The following ETFA variants were observed in gnomAD, a reference collection of about 807,000 sequenced individuals.
ETFA encodes electron transfer flavoprotein subunit alpha, mitochondrial.
In ETFA, 22 loss-of-function variants were observed where a neutral mutation model predicts 46.2. The ratio of observed to expected loss-of-function variants is 0.48; its 90% confidence interval spans 0.34 to 0.68. The LOEUF is 0.68. Ranked by LOEUF, ETFA falls within the 30% of genes least tolerant of loss-of-function variation. The pLI is 0.01. For synonymous variants in ETFA, 131 were observed against 139.9 expected (o/e 0.94, Z 0.45); for missense variants, 345 against 401.1 (o/e 0.86, Z 1.19).
At chr15:76,243,343 A>G (rs574496923) in intron 9 of ETFA, among the ~76,000 whole-genome samples, 34 of 152,264 alleles carry the variant, frequency 2.2e-4, no homozygotes, top group African/African-American at 8.2e-4. Flanking sequence ...AATAAAAAAA[A>G]TCACTAGAAA....
Position 76,249,542 on chromosome 15 carries a change from T to A in ETFA, c.817-18144A>T, listed in dbSNP as rs542117265. 5.5e-3 allele frequency among the ~76,000 whole-genome samples: 826 copies of A among 148,830 alleles called. 15 individuals are homozygous for A. The highest frequency in any genetic ancestry group is 0.02 in the African/African-American group (793 of 40,316). ...CTGCAAGCTCCGCCTCCCGGGTTCA[T>A]GCCATTCTCCTGCCTCAGCCTCCCG... On this transcript the variant is annotated intron_variant, in intron 9 of 11. Coordinates refer to ENST00000557943, the MANE Select transcript of ETFA (RefSeq NM_000126.4).
chr15:76,256,353 A>T (rs1199593620), intron 9 of ETFA, among the ~76,000 whole-genome samples: 2 of 152,170 alleles, frequency 1.3e-5, no homozygotes, highest in Non-Finnish European at 2.9e-5. Context: ...AACTGTGAAG[A>T]ATGTAGAAAG....
In ETFA at chr15:76,304,096, T is replaced by G. The variant is rs999610123; in HGVS notation, c.39+7254A>C. Among the ~76,000 whole-genome samples, 6 of 152,284 alleles carry G rather than the reference T, an allele frequency of 3.9e-5. No individual in the cohort carries two copies. The South Asian group carries it at 8.3e-4, about 21-fold the overall frequency. Reference sequence around the variant, plus strand: ...AATGTGGTATATATACACCATGGAATACTACACAGCCATTAAAAAGAATGA... The same window carrying G: ...AATGTGGTATATATACACCATGGAAGACTACACAGCCATTAAAAAGAATGA... On this transcript the variant is annotated intron_variant, in intron 1 of 11. Transcript: ENST00000557943.
Position 76,216,555 on chromosome 15 carries a change from T to C in ETFA, c.*4A>G. 6.4e-7 allele frequency: 1 copy of C among 1,563,770 alleles called. No individual in the cohort carries two copies. The highest frequency in any genetic ancestry group is 8.8e-7 in the Non-Finnish European group (1 of 1,134,244). On this transcript the variant is annotated 3_prime_UTR_variant, in exon 12 of 12. Coordinates refer to ENST00000557943, the MANE Select transcript of ETFA (RefSeq NM_000126.4). ...AAGTTTTCTTTTTAAGGCATGATCC[T>C]GATTCATTTTTTCTTCAATATCTCA...
rs1371959554 is a variant in ETFA at position 76,295,743 on chromosome 15, AAG to A, written c.40-8_40-7del. The A allele has an allele frequency of 6.2e-7, 1 of 1,612,094 alleles. No homozygotes were observed. Among genetic ancestry groups the A allele is most frequent in the Non-Finnish European group, 8.5e-7 (1 of 1,179,204 alleles). ...TGAAATCGTAGCAATGAGGCCTAAA[AAG>A]AGCAAAAAGGAAAAAAAAAGGTAAA... On this transcript the variant is annotated splice_region_variant and splice_polypyrimidine_tract_variant and intron_variant, in intron 1 of 11. Transcript: ENST00000557943.
intron 1 of ETFA, among the ~76,000 whole-genome samples, chr15:76,300,446 C>T (rs1214642684): frequency 6.6e-6 from 1 of 152,168 alleles, no homozygotes; most frequent in Non-Finnish European, 1.5e-5. Flanking sequence ...CAAGTCATAA[C>T]AATTCTTCCT....
At chr15:76,235,886 A>G (rs888725721) in intron 9 of ETFA, among the ~76,000 whole-genome samples, 42 of 152,192 alleles carry the variant, frequency 2.8e-4, no homozygotes, top group African/African-American at 9.2e-4. Context: ...CTGCTCCCTT[A>G]AGTCCTTTAG....
chr15:76,231,540 TTC>T, intron 9 of ETFA, 142 bp from the exon 10 acceptor site: 1 of 578,164 alleles, frequency 1.7e-6, no homozygotes, highest in Non-Finnish European at 3.0e-6. Context: ...AATTATGCTT[TTC>T]TTTTTCTCTG....
chr15:76,222,966 C>G (rs2142105814), intron 11 of ETFA, among the ~76,000 whole-genome samples: 1 of 152,016 alleles, frequency 6.6e-6, no homozygotes, highest in South Asian at 2.1e-4. Flanking sequence ...TCCCAAGTAG[C>G]TGGGACCACA....
At chr15:76,301,214 CT>C (rs1222224870) in intron 1 of ETFA, among the ~76,000 whole-genome samples, 3 of 152,222 alleles carry the variant, frequency 2.0e-5, no homozygotes, top group Non-Finnish European at 2.9e-5. Flanking sequence ...GACTAGTTAG[CT>C]TTGCTAGCAC....
At chr15:76,245,180 A>T (rs1484975288) in intron 9 of ETFA, 1 of 152,204 alleles carries the variant, frequency 6.6e-6, no homozygotes, top group East Asian at 1.9e-4. Flanking sequence ...AGGCCATGTA[A>T]TTACCTTTAA....
chr15:76,230,439 G>T, intron 10 of ETFA: 1 of 20,774 alleles, frequency 4.8e-5, no homozygotes, highest in South Asian at 3.0e-3. Flanking sequence ...TGTTAGCCAG[G>T]ATGGTCTCGA....
At chr15:76,260,848 C>A in intron 9 of ETFA, 2 of 1,611,660 alleles carry the variant, frequency 1.2e-6, no homozygotes, top group Non-Finnish European at 1.7e-6. Flanking sequence ...GGCACCAGGT[C>A]CCGGAGCAGG....
intron 9 of ETFA, among the ~76,000 whole-genome samples, chr15:76,268,484 C>A (rs566727118): frequency 1.3e-5 from 2 of 152,194 alleles, no homozygotes; most frequent in Non-Finnish European, 2.9e-5. Flanking sequence ...ACACAGGAAG[C>A]TGAGAAACTG....
At chr15:76,260,839 G>T in intron 9 of ETFA, 1 of 1,611,222 alleles carries the variant, frequency 6.2e-7, no homozygotes, top group African/African-American at 1.3e-5. Flanking sequence ...CTGGTGGCAG[G>T]CACCAGGTCC....
At chr15:76,266,625 C>T (rs1018472323) in intron 9 of ETFA, among the ~76,000 whole-genome samples, 7 of 152,110 alleles carry the variant, frequency 4.6e-5, no homozygotes, top group South Asian at 2.1e-4. Context: ...CAAATTTGGC[C>T]GGGTGCGGTG....
At chr15:76,302,786 T>A (rs368984010) in intron 1 of ETFA, among the ~76,000 whole-genome samples, 1 of 152,200 alleles carries the variant, frequency 6.6e-6, no homozygotes, top group African/African-American at 2.4e-5. Context: ...GAAGACTCTC[T>A]GTACTTTCCA....
At chr15:76,219,054 A>G (rs1303155840) in intron 11 of ETFA, among the ~76,000 whole-genome samples, 1 of 152,224 alleles carries the variant, frequency 6.6e-6, no homozygotes, top group Non-Finnish European at 1.5e-5. Context: ...AATTCAGAAC[A>G]TCAAACTAAA....
At chr15:76,223,804 A>G (rs952064276) in intron 11 of ETFA, among the ~76,000 whole-genome samples, 2 of 152,218 alleles carry the variant, frequency 1.3e-5, no homozygotes, top group African/African-American at 2.4e-5. Context: ...GCTGCCCTTA[A>G]TGCAGGAGCA....
Sources: allele counts gnomAD v4.1 joint callset (sites outside exome capture counted in the v4.1 genomes callset), GRCh38; gene constraint gnomAD v4.1.1; transcripts MANE v1.5; gene names NCBI Gene and HGNC (gene_info 2026-07-23, HGNC 2026-07-21).